Variants in CDH12 observed in about 807,000 individuals in gnomAD.
The protein encoded by CDH12 is cadherin-12.
In CDH12, 41 loss-of-function variants were observed where a neutral mutation model predicts 74.1. The ratio of observed to expected loss-of-function variants is 0.55; its 90% confidence interval spans 0.43 to 0.72. CDH12 has a LOEUF of 0.72. Among genes scored for constraint, CDH12 ranks in the 30% least tolerant of loss-of-function variants. The pLI, the probability that CDH12 is intolerant of heterozygous loss-of-function variation, is 0.00. For missense variants in CDH12, 945 were observed against 977.2 expected (o/e 0.97, Z 0.44); for synonymous variants, 399 against 355.0 (o/e 1.12, Z -1.39).
intron 2 of CDH12, among the ~76,000 whole-genome samples, chr5:22,451,260 T>G (rs1400518197): frequency 1.3e-5 from 2 of 151,954 alleles, no homozygotes; most frequent in Non-Finnish European, 2.9e-5. Context: ...GAATGATAAA[T>G]GATTTAATAA....
At chr5:22,800,783 C>A (rs560550422) in intron 1 of CDH12, among the ~76,000 whole-genome samples, 3 of 151,950 alleles carry the variant, frequency 2.0e-5, no homozygotes, top group African/African-American at 4.8e-5. Context: ...GTTATATATT[C>A]TAAGTCATAT....
chr5:21,860,857 G>A (rs1339224338), intron 6 of CDH12, among the ~76,000 whole-genome samples: 1 of 151,676 alleles, frequency 6.6e-6, no homozygotes, highest in Non-Finnish European at 1.5e-5. Context: ...TGGCTTCCTT[G>A]CTCTTTATCT....
At chr5:22,630,790 A>G (rs1247113423) in intron 1 of CDH12, among the ~76,000 whole-genome samples, 1 of 152,182 alleles carries the variant, frequency 6.6e-6, no homozygotes, top group Non-Finnish European at 1.5e-5. Context: ...TAAAAATGAG[A>G]TTTAAGTAAA....
At chr5:22,829,401 G>T (rs1736475623) in intron 1 of CDH12, among the ~76,000 whole-genome samples, 1 of 152,106 alleles carries the variant, frequency 6.6e-6, no homozygotes, top group Admixed American at 6.6e-5. Context: ...GAAATCTGAG[G>T]TGGCTGTTAT....
Position 22,052,414 on chromosome 5 carries a change from T to TATGAC in CDH12, c.231+26027_231+26031dup, listed in dbSNP as rs373764086. ...AATATTTTCTCGGGAATCGTTCACC[T>TATGAC]ATGACAGCCCACCCTGCCTCCCTCT... On this transcript the variant is annotated intron_variant, in intron 5 of 14. Transcript: ENST00000382254. 7.3e-3 allele frequency among the ~76,000 whole-genome samples: 1,112 copies of TATGAC among 152,278 alleles called. 13 individuals carry two copies. Among genetic ancestry groups the TATGAC allele is most frequent in the African/African-American group, 0.026 (1,062 of 41,574 alleles).
intron 6 of CDH12, among the ~76,000 whole-genome samples, chr5:21,973,615 C>G: frequency 6.6e-6 from 1 of 152,122 alleles, no homozygotes; most frequent in Admixed American, 6.6e-5. Context: ...TTTAAGGAAG[C>G]TGTTTTGGTA....
At chr5:22,220,585 T>A (rs1185202355) in intron 3 of CDH12, among the ~76,000 whole-genome samples, 1 of 119,542 alleles carries the variant, frequency 8.4e-6, no homozygotes, top group Non-Finnish European at 2.0e-5. Context: ...TTATAAGAAG[T>A]GTAAGCTTGA....
At chr5:22,566,438 C>T (rs967329698) in intron 1 of CDH12, among the ~76,000 whole-genome samples, 7 of 152,020 alleles carry the variant, frequency 4.6e-5, no homozygotes, top group Middle Eastern at 3.2e-3. Flanking sequence ...CGCAGTTTCA[C>T]CATGTTGGCC....
intron 5 of CDH12, among the ~76,000 whole-genome samples, chr5:22,073,405 T>C (rs1367853253): frequency 6.6e-6 from 1 of 152,148 alleles, no homozygotes; most frequent in East Asian, 1.9e-4. Context: ...ACCACACAGA[T>C]ACAGGCTTGC....
At chr5:22,077,575 A>T (rs1742416181) in intron 5 of CDH12, among the ~76,000 whole-genome samples, 1 of 152,170 alleles carries the variant, frequency 6.6e-6, no homozygotes, top group Admixed American at 6.6e-5. Context: ...CCATGGCAAT[A>T]TCTTTTACAA....
chr5:22,027,736 T>C (rs576618898), intron 5 of CDH12, among the ~76,000 whole-genome samples: 1 of 152,308 alleles, frequency 6.6e-6, no homozygotes, highest in African/African-American at 2.4e-5. Context: ...TAGTGGTCTA[T>C]TAATTTTGTT....
intron 4 of CDH12, among the ~76,000 whole-genome samples, chr5:22,187,705 A>G (rs530643871): frequency 2.8e-4 from 42 of 151,564 alleles, no homozygotes; most frequent in African/African-American, 7.5e-4. Flanking sequence ...AACCCAGACT[A>G]GAATCTAAGC....
intron 1 of CDH12, among the ~76,000 whole-genome samples, chr5:22,775,620 A>T (rs1355008629): frequency 6.6e-6 from 1 of 152,068 alleles, no homozygotes; most frequent in Non-Finnish European, 1.5e-5. Context: ...CTTTTCGGTG[A>T]GATTAACAAC....
chr5:22,544,917 C>A (rs1022552070), intron 1 of CDH12, among the ~76,000 whole-genome samples: 1 of 151,934 alleles, frequency 6.6e-6, no homozygotes, highest in Non-Finnish European at 1.5e-5. Context: ...CTACAGGTGA[C>A]GTTCTTTTTT....
intron 5 of CDH12, among the ~76,000 whole-genome samples, chr5:22,074,910 C>T (rs1317553075): frequency 2.6e-5 from 4 of 152,010 alleles, no homozygotes; most frequent in Non-Finnish European, 5.9e-5. Context: ...GGCAATTCCT[C>T]AGGGATCTAG....
At chr5:22,090,530 T>A (rs1041905031) in intron 4 of CDH12, among the ~76,000 whole-genome samples, 2 of 150,190 alleles carry the variant, frequency 1.3e-5, no homozygotes, top group East Asian at 3.9e-4. Context: ...CCCTGACTTA[T>A]TCTATGCGAC....
chr5:22,459,921 T>C (rs1056476970), intron 2 of CDH12, among the ~76,000 whole-genome samples: 2 of 151,356 alleles, frequency 1.3e-5, no homozygotes, highest in Admixed American at 1.3e-4. Flanking sequence ...TGAGCCGAGA[T>C]CACACCACTG....
At chr5:21,770,021 G>A (rs1172343640) in intron 11 of CDH12, among the ~76,000 whole-genome samples, 1 of 152,144 alleles carries the variant, frequency 6.6e-6, no homozygotes, top group Non-Finnish European at 1.5e-5. Flanking sequence ...AACTAACTCA[G>A]AGAGCAAGAA....
intron 1 of CDH12, among the ~76,000 whole-genome samples, chr5:22,753,585 T>C (rs946690089): frequency 1.3e-5 from 2 of 149,234 alleles, no homozygotes; most frequent in African/African-American, 5.0e-5. Flanking sequence ...ATTTTTTGAC[T>C]TTATGTGTTG....
Sources: allele counts gnomAD v4.1 joint callset (sites outside exome capture counted in the v4.1 genomes callset), GRCh38; gene constraint gnomAD v4.1.1; transcripts MANE v1.5; gene names NCBI Gene and HGNC (gene_info 2026-07-23, HGNC 2026-07-21).